Variants in RBFOX1 observed in about 807,000 individuals in gnomAD.
The protein encoded by RBFOX1 is RNA binding fox-1 homolog 1.
A neutral mutation model predicts 57.7 loss-of-function variants in RBFOX1; 8 were observed. The ratio of observed to expected loss-of-function variants is 0.14; its 90% CI spans 0.08 to 0.25. The LOEUF (loss-of-function observed/expected upper bound fraction) is 0.25. RBFOX1 is among the 10% of genes least tolerant of loss of function. RBFOX1 has a pLI of 1.00. For missense variants in RBFOX1, 611 were observed against 548.5 expected (o/e 1.11, Z -1.14); for synonymous variants, 326 against 222.4 (o/e 1.47, Z -4.15).
At chr16:7,062,985 C>T (rs575045207) in intron 4 of RBFOX1, among the ~76,000 whole-genome samples, 2 of 126,286 alleles carry the variant, frequency 1.6e-5, no homozygotes, top group South Asian at 5.6e-4. Flanking sequence ...CCTACTGATA[C>T]ACTGGGGAAA....
chr16:6,474,063 C>T (rs1385000689), intron 2 of RBFOX1, among the ~76,000 whole-genome samples: 1 of 152,108 alleles, frequency 6.6e-6, no homozygotes, highest in Non-Finnish European at 1.5e-5. Flanking sequence ...GGGCTGGTTA[C>T]TGCAAACTGT....
chr16:7,157,872 G>C (rs535573924), intron 4 of RBFOX1, among the ~76,000 whole-genome samples: 37 of 152,330 alleles, frequency 2.4e-4, no homozygotes, highest in African/African-American at 8.7e-4. Context: ...ATATATTTCA[G>C]CTTCTCTGTT....
At chr16:6,212,708 AAAAC>A (rs1267607848) in intron 1 of RBFOX1, among the ~76,000 whole-genome samples, 2 of 148,296 alleles carry the variant, frequency 1.3e-5, no homozygotes, top group African/African-American at 5.0e-5. Context: ...GTCTGTCAAA[AAAAC>A]AAACAAACAA....
At chr16:5,843,646 C>G (rs1470798591) in intron 3 of RBFOX1, among the ~76,000 whole-genome samples, 3 of 152,210 alleles carry the variant, frequency 2.0e-5, no homozygotes, top group African/African-American at 7.2e-5. Flanking sequence ...TTATTTTTAA[C>G]ACATTATACC....
chr16:6,263,257 T>G (rs1292170910), intron 1 of RBFOX1, among the ~76,000 whole-genome samples: 1 of 152,200 alleles, frequency 6.6e-6, no homozygotes, highest in African/African-American at 2.4e-5. Context: ...GTAGAAGTTC[T>G]TAGTCACCCC....
At chr16:5,548,168 A>AT (rs1256241961) in intron 2 of RBFOX1, among the ~76,000 whole-genome samples, 20 of 57,152 alleles carry the variant, frequency 3.5e-4, no homozygotes, top group African/African-American at 7.3e-4. Context: ...TAAAAAAAAA[A>AT]AAAAAAATAT....
At chr16:7,180,396 C>T (rs969572933) in intron 4 of RBFOX1, among the ~76,000 whole-genome samples, 3 of 152,136 alleles carry the variant, frequency 2.0e-5, no homozygotes, top group African/African-American at 4.8e-5. Flanking sequence ...AAGTCTGACT[C>T]CTAATCATGG....
chr16:6,890,222 AT>A (rs1159686230), intron 3 of RBFOX1, among the ~76,000 whole-genome samples: 1 of 152,198 alleles, frequency 6.6e-6, no homozygotes, highest in East Asian at 1.9e-4. Context: ...AAATATTGTT[AT>A]GAAAACCTAA....
chr16:7,416,566 A>G (rs1272105912), intron 4 of RBFOX1, among the ~76,000 whole-genome samples: 1 of 152,168 alleles, frequency 6.6e-6, no homozygotes, highest in East Asian at 1.9e-4. Context: ...TAAAAGTGCA[A>G]GATCCTCTTC....
chr16:7,462,576 A>G (rs542354471), intron 4 of RBFOX1, among the ~76,000 whole-genome samples: 3 of 152,222 alleles, frequency 2.0e-5, no homozygotes, highest in African/African-American at 7.2e-5. Context: ...GCATGACTCA[A>G]CTGGGTCCTC....
At chr16:6,221,999 A>T (rs2097377100) in intron 1 of RBFOX1, among the ~76,000 whole-genome samples, 1 of 152,160 alleles carries the variant, frequency 6.6e-6, no homozygotes, top group South Asian at 2.1e-4. Context: ...GTCCTTCTTC[A>T]TGTTTCCTCA....
chr16:5,651,856 G>A (rs1037062866), intron 3 of RBFOX1, among the ~76,000 whole-genome samples: 11 of 152,120 alleles, frequency 7.2e-5, no homozygotes, highest in Admixed American at 2.0e-4. Flanking sequence ...CTTTTAGGCC[G>A]GGCACAGTGG....
At chr16:6,429,660 G>A (rs574620882) in intron 2 of RBFOX1, among the ~76,000 whole-genome samples, 5 of 152,258 alleles carry the variant, frequency 3.3e-5, no homozygotes, top group African/African-American at 4.8e-5. Flanking sequence ...GGCAGTTTCC[G>A]CCCTACTCTT....
intron 5 of RBFOX1, among the ~76,000 whole-genome samples, chr16:7,543,628 C>T (rs1396466882): frequency 6.6e-6 from 1 of 150,772 alleles, no homozygotes; most frequent in Non-Finnish European, 1.5e-5. Context: ...TTCTTAACAG[C>T]TGTATTTTAT....
chr16:5,832,306 T>C (rs551510037), intron 3 of RBFOX1, among the ~76,000 whole-genome samples: 2 of 152,314 alleles, frequency 1.3e-5, no homozygotes, highest in African/African-American at 4.8e-5. Flanking sequence ...CAAACCTTAC[T>C]GGCTAATGGA....
chr16:6,234,778 C>T (rs908910052), intron 1 of RBFOX1, among the ~76,000 whole-genome samples: 2 of 152,006 alleles, frequency 1.3e-5, no homozygotes, highest in Admixed American at 6.6e-5. Context: ...TGGATCTATA[C>T]ATACACATGA....
intron 3 of RBFOX1, among the ~76,000 whole-genome samples, chr16:7,034,237 C>T (rs2043617787): frequency 6.6e-6 from 1 of 152,122 alleles, no homozygotes; most frequent in Non-Finnish European, 1.5e-5. Flanking sequence ...CTCTCCATCT[C>T]AGTGCTCTCA....
chr16:5,354,376 T>G (rs35705764), intron 1 of RBFOX1, among the ~76,000 whole-genome samples: 65,369 of 151,982 alleles, frequency 0.43, 14,745 homozygotes, highest in Non-Finnish European at 0.46. Flanking sequence ...CAGACCGACT[T>G]GAATTACAAC....
chr16:6,994,340 G>T (rs2091950915), intron 3 of RBFOX1, among the ~76,000 whole-genome samples: 1 of 152,262 alleles, frequency 6.6e-6, no homozygotes, highest in South Asian at 2.1e-4. Context: ...AGAGTCTAAT[G>T]ATCTTAAAGT....
Sources: gnomAD v4.1 joint callset for allele counts (sites outside exome capture counted in the v4.1 genomes callset) on GRCh38, gnomAD v4.1.1 for gene constraint, MANE v1.5 for transcripts, NCBI Gene and HGNC (gene_info 2026-07-23, HGNC 2026-07-21) for gene names.